Variants in NEO1 observed in about 807,000 individuals in gnomAD.
NEO1 encodes the protein neogenin 1.
Under a neutral mutation model 159.7 loss-of-function variants are expected in NEO1, and 63 were observed. The observed-to-expected ratio is 0.39, with a 90% CI of 0.32 to 0.49. NEO1 has a LOEUF of 0.49. Ranked by LOEUF, NEO1 falls within the 20% of genes least tolerant of loss-of-function variation. The probability of loss-of-function intolerance (pLI) is 0.85; values close to 1 mark genes in which losing one functional copy is unlikely to be tolerated. For missense variants in NEO1, 1,615 were observed against 1,831.0 expected (o/e 0.88, Z 2.15); for synonymous variants, 633 against 662.0 (o/e 0.96, Z 0.67).
intron 22 of NEO1, 82 bp downstream of exon 22, chr15:73,278,281 TTG>T (rs1182618545): frequency 1.6e-6 from 2 of 1,234,200 alleles, no homozygotes; most frequent in Non-Finnish European, 2.4e-6. Context: ...CCTTTATAGC[TTG>T]TGTGTGGTGG....
chr15:73,295,081 C>G (rs1185846556), intron 26 of NEO1, among the ~76,000 whole-genome samples: 1 of 144,962 alleles, frequency 6.9e-6, no homozygotes, highest in Non-Finnish European at 1.5e-5. Flanking sequence ...GAGTTTGTGA[C>G]CAGCCTGGGC....
chr15:73,167,566 A>G (rs2034664401), intron 5 of NEO1, among the ~76,000 whole-genome samples: 2 of 152,332 alleles, frequency 1.3e-5, no homozygotes, highest in South Asian at 4.1e-4. Context: ...ATATTTCTAC[A>G]CCCACATTCA....
intron 5 of NEO1, among the ~76,000 whole-genome samples, chr15:73,167,636 G>T (rs961838283): frequency 6.6e-6 from 1 of 152,210 alleles, no homozygotes; most frequent in Non-Finnish European, 1.5e-5. Context: ...GATGATGAAT[G>T]AATGGATGTT....
chr15:73,130,710 T>C (rs148375031), intron 4 of NEO1, among the ~76,000 whole-genome samples: 236 of 152,160 alleles, frequency 1.6e-3, no homozygotes, highest in African/African-American at 5.3e-3. Context: ...CCCATGTAAG[T>C]AGAGAACAAA....
intron 5 of NEO1, among the ~76,000 whole-genome samples, chr15:73,145,062 A>AT (rs2151803079): frequency 1.3e-5 from 2 of 152,294 alleles, no homozygotes; most frequent in African/African-American, 4.8e-5. Context: ...AAATTCTTTC[A>AT]TTAAAAACTT....
At chr15:73,176,088 G>C (rs576077080) in intron 5 of NEO1, among the ~76,000 whole-genome samples, 1 of 152,084 alleles carries the variant, frequency 6.6e-6, no homozygotes, top group Admixed American at 6.5e-5. Flanking sequence ...TCTTAGGGAA[G>C]TATTCTTTAA....
intron 1 of NEO1, among the ~76,000 whole-genome samples, chr15:73,095,945 A>C (rs1427985423): frequency 6.6e-6 from 1 of 152,204 alleles, no homozygotes; most frequent in Non-Finnish European, 1.5e-5. Context: ...GAGCAGTATG[A>C]ATTCTGCTAA....
At chr15:73,152,526 A>G (rs902690093) in intron 5 of NEO1, among the ~76,000 whole-genome samples, 3 of 152,116 alleles carry the variant, frequency 2.0e-5, no homozygotes, top group African/African-American at 7.2e-5. Context: ...AATGTCCTTT[A>G]TATTAAACCA....
In NEO1 at chr15:73,305,136, G is replaced by A. The variant is rs2042740715; in HGVS notation, c.*2440G>A. ...TGTAGTTGATGCTGTAAACTCTATG[G>A]CTTTTTAAAAACGATTTCATGTTTT... On this transcript the variant is annotated 3_prime_UTR_variant, in exon 29 of 29. Transcript: ENST00000261908. The A allele has an allele frequency of 6.6e-6, 1 of 151,902 alleles. No homozygotes were observed. Among genetic ancestry groups the A allele is most frequent in the Admixed American group, 6.6e-5 (1 of 15,266 alleles). 9.4% of individuals were successfully genotyped at this position (151,902 alleles called of 1,614,324 possible).
intron 13 of NEO1, 97 bp downstream of exon 13, chr15:73,254,926 A>G: frequency 7.5e-7 from 1 of 1,330,688 alleles, no homozygotes; most frequent in Non-Finnish European, 1.0e-6. Context: ...CGACTTATAC[A>G]AACAAATTTA....
At chr15:73,060,840 G>C (rs1027400813) in intron 1 of NEO1, among the ~76,000 whole-genome samples, 1 of 151,394 alleles carries the variant, frequency 6.6e-6, no homozygotes, top group African/African-American at 2.4e-5. Context: ...TGTACAGACA[G>C]GGTTTCACCA....
At chr15:73,086,684 C>CTTTTTTT (rs56321563) in intron 1 of NEO1, among the ~76,000 whole-genome samples, 2 of 122,028 alleles carry the variant, frequency 1.6e-5, no homozygotes, top group Non-Finnish European at 3.2e-5. Flanking sequence ...TTCTAGATTT[C>CTTTTTTT]TTTTTTTTTT....
At chr15:73,227,717 C>G (rs2038672411) in intron 7 of NEO1, among the ~76,000 whole-genome samples, 1 of 152,166 alleles carries the variant, frequency 6.6e-6, no homozygotes. Context: ...TCCCAGTGGC[C>G]TTTGGCTTGA....
intron 3 of NEO1, among the ~76,000 whole-genome samples, chr15:73,125,448 A>G (rs2030070616): frequency 6.6e-6 from 1 of 152,208 alleles, no homozygotes. Flanking sequence ...GTTGTCACTA[A>G]TCGATTAGGC....
chr15:73,296,226 G>C (rs2042361427), intron 26 of NEO1, among the ~76,000 whole-genome samples: 1 of 152,130 alleles, frequency 6.6e-6, no homozygotes, highest in Non-Finnish European at 1.5e-5. Flanking sequence ...TAACATATCT[G>C]TCAGTACAGG....
chr15:73,221,257 G>A (rs1302238592), intron 7 of NEO1, among the ~76,000 whole-genome samples: 2 of 152,112 alleles, frequency 1.3e-5, no homozygotes, highest in Non-Finnish European at 2.9e-5. Context: ...CGTGAACCAC[G>A]AATGCTGCTG....
intron 7 of NEO1, among the ~76,000 whole-genome samples, chr15:73,188,913 T>G (rs940034893): frequency 4.0e-5 from 6 of 151,750 alleles, no homozygotes; most frequent in Non-Finnish European, 2.9e-5. Flanking sequence ...GGCAACATAG[T>G]GAGACCCCAT....
intron 7 of NEO1, among the ~76,000 whole-genome samples, chr15:73,191,745 G>A (rs981208695): frequency 4.0e-5 from 6 of 151,864 alleles, no homozygotes; most frequent in Non-Finnish European, 7.4e-5. Context: ...GTAATGATCT[G>A]GTTAAAACTA....
chr15:73,104,400 A>T (rs767663754), intron 1 of NEO1, among the ~76,000 whole-genome samples: 21 of 152,166 alleles, frequency 1.4e-4, no homozygotes, highest in Non-Finnish European at 2.8e-4. Context: ...AACTGTGGTA[A>T]TCAAGGACTA....
Sources: allele counts gnomAD v4.1 joint callset (sites outside exome capture counted in the v4.1 genomes callset), GRCh38; gene constraint gnomAD v4.1.1; transcripts MANE v1.5; gene names NCBI Gene and HGNC (gene_info 2026-07-23, HGNC 2026-07-21).